The following CHRM2 variants were observed in gnomAD, a reference collection of about 807,000 sequenced individuals.
The protein encoded by CHRM2 is cholinergic receptor muscarinic 2.
Under a neutral mutation model 25.0 loss-of-function variants are expected in CHRM2, and 8 were observed. The observed-to-expected ratio is 0.32, with a 90% CI of 0.19 to 0.58. The LOEUF (loss-of-function observed/expected upper bound fraction) is 0.58, where lower values mean the gene tolerates loss of function less well. Ranked by LOEUF, CHRM2 falls within the 20% of genes least tolerant of loss-of-function variation. The pLI, the probability that CHRM2 is intolerant of heterozygous loss-of-function variation, is 0.88. For synonymous variants in CHRM2, 202 were observed against 205.7 expected (o/e 0.98, Z 0.15); for missense variants, 440 against 567.1 (o/e 0.78, Z 2.28).
rs1395924822 is a variant in CHRM2 at position 136,908,084 on chromosome 7, A to T, written c.-125+38666A>T. 4 of 151,944 alleles carry T rather than the reference A, an allele frequency of 2.6e-5. No homozygotes were observed. In the East Asian group the frequency reaches 7.8e-4, roughly 30 times the overall value. 9.4% of individuals were successfully genotyped at this position (151,944 alleles called of 1,614,324 possible). A position where few individuals can be genotyped will look rare whatever the true frequency, so the allele number is the denominator to read the frequency against. On this transcript the variant is annotated intron_variant, in intron 2 of 3. Coordinates refer to ENST00000680005, the MANE Select transcript of CHRM2 (RefSeq NM_001006630.2). Reference sequence around the variant, plus strand: ...AAAAAAGAGCCTTCTAAGCATAGAGAATAATAAAAATCATACCCATTACAT... The same window carrying T: ...AAAAAAGAGCCTTCTAAGCATAGAGTATAATAAAAATCATACCCATTACAT...
intron 2 of CHRM2, among the ~76,000 whole-genome samples, chr7:136,940,413 C>T (rs1286918722): frequency 1.3e-5 from 2 of 152,210 alleles, no homozygotes; most frequent in Non-Finnish European, 2.9e-5. Flanking sequence ...TTGTGATTGT[C>T]TTCTAGTTGT....
At chr7:136,917,433 C>T (rs17496543) in intron 2 of CHRM2, among the ~76,000 whole-genome samples, 33,897 of 151,860 alleles carry the variant, frequency 0.22, 4,930 homozygotes, top group Non-Finnish European at 0.32. Flanking sequence ...GCTTGATCCA[C>T]TGAAAGGAGA....
intron 2 of CHRM2, among the ~76,000 whole-genome samples, chr7:136,967,620 C>T (rs1801498629): frequency 1.3e-5 from 2 of 151,920 alleles, no homozygotes; most frequent in African/African-American, 2.4e-5. Context: ...AACTTGAGGA[C>T]TGTAATTTTA....
At position 137,015,162 on chromosome 7, in the gene CHRM2, G is replaced by A; in HGVS notation, c.297G>A (p.Trp99Ter). The A allele has an allele frequency of 6.2e-7, 1 of 1,613,522 alleles. No homozygotes were observed. Among genetic ancestry groups the A allele is most frequent in the Non-Finnish European group, 8.5e-7 (1 of 1,179,634 alleles). ...TGGGACCTGTGGTGTGTGACCTTTGGCTAGCCCTGGACTATGTGGTCAGCA... is the reference window on the plus strand; with the variant it reads ...TGGGACCTGTGGTGTGTGACCTTTGACTAGCCCTGGACTATGTGGTCAGCA... The part of the protein sequence containing the change: ...WPLGPVVCDL[W>*]LALDYVVSNA... Residue 99 changes from tryptophan (W) to a stop codon, truncating the protein, a stop_gained, in exon 4 of 4, where the codon TGG becomes TGA. Coordinates refer to ENST00000680005, the MANE Select transcript of CHRM2 (RefSeq NM_001006630.2). LOFTEE classifies it high-confidence loss of function. The surrounding 1 kb of genome is among the most constrained non-coding windows in gnomAD (Gnocchi z 5.1).
chr7:136,879,629 G>A (rs17494589), intron 2 of CHRM2, among the ~76,000 whole-genome samples: 20,641 of 151,788 alleles, frequency 0.14, 1,586 homozygotes, highest in Non-Finnish European at 0.18. Flanking sequence ...ATCTTTCACA[G>A]GGGAGCTGTA....
intron 2 of CHRM2, chr7:136,871,735 T>C (rs1795848804): frequency 6.6e-6 from 1 of 152,192 alleles, no homozygotes; most frequent in African/African-American, 2.4e-5. Flanking sequence ...ACAATTGACT[T>C]GGCCAAGAGA....
At chr7:136,906,564 A>C (rs1473778147) in intron 2 of CHRM2, among the ~76,000 whole-genome samples, 44 of 151,872 alleles carry the variant, frequency 2.9e-4, no homozygotes, top group Non-Finnish European at 1.3e-4. Flanking sequence ...TCAGTGATTT[A>C]TATGAGTCCT....
intron 2 of CHRM2, among the ~76,000 whole-genome samples, chr7:136,945,500 T>G (rs1160403490): frequency 6.6e-6 from 1 of 152,238 alleles, no homozygotes; most frequent in African/African-American, 2.4e-5. Flanking sequence ...CTTTCCCCAC[T>G]TTGTTTGTGT....
intron 2 of CHRM2, among the ~76,000 whole-genome samples, chr7:136,875,461 C>T (rs1320275528): frequency 1.3e-5 from 2 of 152,052 alleles, no homozygotes; most frequent in Non-Finnish European, 2.9e-5. Context: ...AATCTGTTCC[C>T]TCAGAGGCTT....
intron 3 of CHRM2, among the ~76,000 whole-genome samples, chr7:137,006,474 T>C (rs1006785506): frequency 5.3e-5 from 8 of 152,068 alleles, no homozygotes; most frequent in Admixed American, 3.3e-4. Context: ...TCACTAAGAA[T>C]AGTATTACGT....
chr7:136,938,472 G>T, intron 2 of CHRM2: 1 of 1,130,392 alleles, frequency 8.8e-7, no homozygotes, highest in Non-Finnish European at 1.3e-6. Context: ...GGATGCGCAC[G>T]GCCTGGATGT....
intron 2 of CHRM2, among the ~76,000 whole-genome samples, chr7:136,889,861 G>A (rs921743832): frequency 1.3e-5 from 2 of 151,890 alleles, no homozygotes; most frequent in African/African-American, 2.4e-5. Flanking sequence ...GTTTAAATTC[G>A]TTAGACTTAG....
intron 2 of CHRM2, among the ~76,000 whole-genome samples, chr7:136,903,530 G>C (rs1797356159): frequency 6.6e-6 from 1 of 151,918 alleles, no homozygotes; most frequent in Non-Finnish European, 1.5e-5. Context: ...AATGATAGAA[G>C]TATAAGTAAA....
intron 2 of CHRM2, among the ~76,000 whole-genome samples, chr7:136,977,442 G>C (rs2130956583): frequency 6.6e-6 from 1 of 151,936 alleles, no homozygotes; most frequent in East Asian, 1.9e-4. Context: ...TCTTACGATA[G>C]ACAGTGGGTT....
intron 2 of CHRM2, among the ~76,000 whole-genome samples, chr7:136,880,357 C>A (rs1343346332): frequency 6.6e-6 from 1 of 151,974 alleles, no homozygotes; most frequent in African/African-American, 2.4e-5. Context: ...AATCCCTGCA[C>A]CAAATATTGG....
At chr7:136,897,659 T>C (rs1329692901) in intron 2 of CHRM2, among the ~76,000 whole-genome samples, 2 of 152,008 alleles carry the variant, frequency 1.3e-5, no homozygotes, top group African/African-American at 4.8e-5. Context: ...TGCACCATTA[T>C]TCGAGCCATT....
At chr7:136,951,734 C>T (rs1800423476) in intron 2 of CHRM2, among the ~76,000 whole-genome samples, 2 of 152,126 alleles carry the variant, frequency 1.3e-5, no homozygotes, top group African/African-American at 4.8e-5. Flanking sequence ...TCCCACCCTC[C>T]ACATTCGTCA....
intron 3 of CHRM2, among the ~76,000 whole-genome samples, chr7:137,010,627 C>G (rs1011536879): frequency 2.0e-5 from 3 of 151,930 alleles, no homozygotes; most frequent in Non-Finnish European, 2.9e-5. Context: ...GAAATGACAG[C>G]CTTCCACTGC....
At chr7:136,879,431 TC>T (rs1796174291) in intron 2 of CHRM2, among the ~76,000 whole-genome samples, 1 of 151,984 alleles carries the variant, frequency 6.6e-6, no homozygotes, top group South Asian at 2.1e-4. Flanking sequence ...ATAATTCTGT[TC>T]CTGTTTACAT....
Sources: allele counts gnomAD v4.1 joint callset (sites outside exome capture counted in the v4.1 genomes callset), GRCh38; gene constraint gnomAD v4.1.1; non-coding constraint Gnocchi (gnomAD v3.1); transcripts MANE v1.5; gene names NCBI Gene and HGNC (gene_info 2026-07-23, HGNC 2026-07-21).